Variants in CSMD2 observed in about 807,000 individuals in gnomAD.
The protein encoded by CSMD2 is CUB and sushi domain-containing protein 2.
CSMD2 carries 130 observed loss-of-function variants against 398.5 expected under a neutral mutation model. That is an observed-to-expected ratio of 0.33 (90% CI 0.28 to 0.38). CSMD2 has a LOEUF of 0.38. CSMD2 is among the 10% of genes least tolerant of loss of function. CSMD2 has a pLI of 1.00. For synonymous variants in CSMD2, 1,828 were observed against 1,908.5 expected (o/e 0.96, Z 1.10); for missense variants, 3,829 against 4,764.9 (o/e 0.80, Z 5.78).
chr1:33,990,422 G>A (rs912876769), intron 3 of CSMD2, among the ~76,000 whole-genome samples: 1 of 152,118 alleles, frequency 6.6e-6, no homozygotes, highest in Non-Finnish European at 1.5e-5. Flanking sequence ...TTATTTAATT[G>A]GAATTAATGA....
chr1:33,904,957 T>C (rs1642996122), intron 5 of CSMD2, among the ~76,000 whole-genome samples: 1 of 152,092 alleles, frequency 6.6e-6, no homozygotes, highest in East Asian at 1.9e-4. Flanking sequence ...ATAGGTTTTA[T>C]GTTATATATA....
chr1:33,537,651 C>T lies in CSMD2; in HGVS notation c.9632-42G>A, dbSNP rs774728329. On this transcript the variant is annotated intron_variant, in intron 60 of 70. Transcript: ENST00000373381. This position sits in a 1 kb window ranked among gnomAD's most constrained non-coding sequence, Gnocchi z 4.6. ...AGAAAGGCAGGTCTAAGTTGCTTTC[C>T]AGAACCCAATCTTCCAGTCCCACAC... is the stretch of plus-strand genomic sequence containing the variant. The T allele has an allele frequency of 1.9e-6, 3 of 1,565,324 alleles. No individual in the cohort carries two copies. Among genetic ancestry groups the T allele is most frequent in the Non-Finnish European group, 2.6e-6 (3 of 1,153,216 alleles).
At chr1:34,150,067 T>C (rs1396696153) in intron 1 of CSMD2, among the ~76,000 whole-genome samples, 3 of 149,774 alleles carry the variant, frequency 2.0e-5, no homozygotes, top group South Asian at 4.2e-4. Flanking sequence ...GAAATCTACA[T>C]TTTTCTTCTT....
At position 33,864,825 on chromosome 1, in the gene CSMD2, G is replaced by A. The variant is rs1225599734; in HGVS notation, c.921-17829C>T. ...TCCTGGTCTCATGTGTGGCATTAGA[G>A]TAGCTGTGACTGATGCTTTGTGGAG... On this transcript the variant is annotated intron_variant, in intron 5 of 70. Coordinates refer to ENST00000373381, the MANE Select transcript of CSMD2 (RefSeq NM_001281956.2). 3.1e-6 allele frequency: 4 copies of A among 1,302,546 alleles called. No individual in the cohort carries two copies. In the African/African-American group the frequency reaches 4.5e-5, roughly 15 times the overall value. The allele number at this position is 1,302,546 out of a possible 1,614,324, so 80.7% of individuals were successfully genotyped here. A position where few individuals can be genotyped will look rare whatever the true frequency, so the allele number is the denominator to read the frequency against.
At position 33,700,685 on chromosome 1, in the gene CSMD2, A is replaced by C. The variant is rs1469246893; in HGVS notation, c.3577-12T>G. On this transcript the variant is annotated splice_polypyrimidine_tract_variant and intron_variant, in intron 22 of 70. Coordinates refer to ENST00000373381, the MANE Select transcript of CSMD2 (RefSeq NM_001281956.2). ...TTGCCATCATAAACCTGGACACAGG[A>C]GAGACCCCCAACCCAATGTCGTCAG... 2 of 1,614,026 alleles carry C rather than the reference A, an allele frequency of 1.2e-6. No individual in the cohort carries two copies. The highest frequency in any genetic ancestry group is 2.2e-5 in the South Asian group (2 of 91,062).
At chr1:33,781,037 G>A (rs1004699147) in intron 12 of CSMD2, among the ~76,000 whole-genome samples, 3 of 152,334 alleles carry the variant, frequency 2.0e-5, no homozygotes, top group Admixed American at 2.0e-4. Flanking sequence ...TTTGAAGTCT[G>A]CTTCTAAAAC....
At chr1:33,618,015 A>AAGACACAGAGAGACAG (rs1553156503) in intron 37 of CSMD2, among the ~76,000 whole-genome samples, 2 of 147,958 alleles carry the variant, frequency 1.4e-5, no homozygotes, top group Non-Finnish European at 3.0e-5. Context: ...CCTGTGGGCT[A>AAGACACAGAGAGACAG]AGACAGAGAG....
In CSMD2 at chr1:33,633,526, C is replaced by G; in HGVS notation, c.5096G>C (p.Gly1699Ala). ...VTVPKDYVVF[G>A]QFAFFHTALN... ...GGCCGTGTGAAAGAAGGCGAACTGG[C>G]CAAACACCACTGTGGAGGAGACACA... Residue 1699 changes from glycine (G) to alanine (A), a missense_variant, in exon 32 of 71, where the codon GGC (glycine) becomes GCC (alanine). This residue lies in a region of CSMD2 where 2,001 missense variants were observed against 2,567.1 expected (regional missense o/e 0.78). Coordinates refer to ENST00000373381, the MANE Select transcript of CSMD2 (RefSeq NM_001281956.2). The surrounding 1 kb of genome is among the most constrained non-coding windows in gnomAD (Gnocchi z 5.0). The G allele has an allele frequency of 6.4e-7, 1 of 1,552,122 alleles. No homozygotes were observed. Among genetic ancestry groups the G allele is most frequent in the Non-Finnish European group, 8.7e-7 (1 of 1,147,048 alleles).
At chr1:33,749,190 C>A (rs561289049) in intron 13 of CSMD2, among the ~76,000 whole-genome samples, 1 of 151,402 alleles carries the variant, frequency 6.6e-6, no homozygotes, top group Non-Finnish European at 1.5e-5. Flanking sequence ...CTCCACCCCC[C>A]CAGGTTCACG....
intron 2 of CSMD2, among the ~76,000 whole-genome samples, chr1:34,081,397 T>G (rs1029124510): frequency 1.3e-5 from 2 of 151,680 alleles, no homozygotes. Context: ...TGGTCGTCCC[T>G]CTCCTTCCCC....
chr1:33,979,506 C>G (rs1032508769), intron 3 of CSMD2, among the ~76,000 whole-genome samples: 25 of 152,190 alleles, frequency 1.6e-4, no homozygotes, highest in Non-Finnish European at 3.2e-4. Flanking sequence ...CTTCCCAAGC[C>G]TCTTGTCCAG....
At position 33,820,487 on chromosome 1, in the gene CSMD2, C is replaced by G. The variant is rs957177705; in HGVS notation, c.1181G>C (p.Arg394Thr). 7 of 1,556,420 alleles carry G rather than the reference C, an allele frequency of 4.5e-6. No homozygotes were observed. The highest frequency in any genetic ancestry group is 1.4e-5 in the African/African-American group (1 of 71,858). The change falls in exon 8 of 71, where the codon AGA becomes ACA. Residue 394 changes from arginine to threonine, a missense_variant. Physicochemically the swap from Arg to Thr is moderately conservative, Grantham distance 71. Coordinates refer to ENST00000373381, the MANE Select transcript of CSMD2 (RefSeq NM_001281956.2). ...PDPGIPERGK[R>T]LGSDFRLGSS... ...ATCTTACCTGAAATCCGAGCCTAGTCTTTTGCCCCTTTCGGGTATGCCAGG... is the reference window on the plus strand; with the variant it reads ...ATCTTACCTGAAATCCGAGCCTAGTGTTTTGCCCCTTTCGGGTATGCCAGG...
Position 33,605,159 on chromosome 1 carries a change from C to T in CSMD2, c.6532+123G>A, listed in dbSNP as rs1640504107. 4.3e-6 allele frequency: 4 copies of T among 933,298 alleles called. No individual in the cohort carries two copies. In the Admixed American group the frequency reaches 9.8e-5, roughly 23 times the overall value. The allele number at this position is 933,298 out of a possible 1,614,324, so 57.8% of individuals were successfully genotyped here. A position where few individuals can be genotyped will look rare whatever the true frequency, so the allele number is the denominator to read the frequency against. The stretch of plus-strand genomic sequence containing the variant: ...CACCATGTGAAAACAGGATGGACCA[C>T]AGTTTGCCTGGACCTCCAGCCCTGG... On this transcript the variant is annotated intron_variant, in intron 42 of 70. Transcript: ENST00000373381.
In CSMD2 at chr1:33,633,929, C is replaced by A. The variant is rs772291309; in HGVS notation, c.5087-394G>T. Among the ~76,000 whole-genome samples, 5 of 152,188 alleles carry A rather than the reference C, an allele frequency of 3.3e-5. No homozygotes were observed. Among genetic ancestry groups the A allele is most frequent in the African/African-American group, 4.8e-5 (2 of 41,448 alleles). On this transcript the variant is annotated intron_variant, in intron 31 of 70. Transcript: ENST00000373381. This position sits in a 1 kb window ranked among gnomAD's most constrained non-coding sequence, Gnocchi z 5.0. ...GCGATGTCAGGACCCCACATTCATG[C>A]GTCCCAACGTCAGTTAGTCAGTGTC...
At chr1:33,660,258 C>T (rs1284979234) in intron 26 of CSMD2, among the ~76,000 whole-genome samples, 1 of 152,182 alleles carries the variant, frequency 6.6e-6, no homozygotes, top group Non-Finnish European at 1.5e-5. Context: ...ATTGTAAGAG[C>T]TGATGTAGTG....
intron 3 of CSMD2, among the ~76,000 whole-genome samples, chr1:33,995,557 G>T (rs756257419): frequency 6.6e-6 from 1 of 152,184 alleles, no homozygotes; most frequent in Non-Finnish European, 1.5e-5. Flanking sequence ...AAGACCCAGG[G>T]CTTGTGCAAA....
At position 33,847,067 on chromosome 1, in the gene CSMD2, T is replaced by C; in HGVS notation, c.921-71A>G. 7.1e-6 allele frequency: 7 copies of C among 985,654 alleles called. No homozygotes were observed. In the South Asian group the frequency reaches 1.1e-4, roughly 15 times the overall value. The allele number at this position is 985,654 out of a possible 1,614,324, so 61.1% of individuals were successfully genotyped here. A position where few individuals can be genotyped will look rare whatever the true frequency, so the allele number is the denominator to read the frequency against. On this transcript the variant is annotated intron_variant, in intron 5 of 70. Coordinates refer to ENST00000373381, the MANE Select transcript of CSMD2 (RefSeq NM_001281956.2). ...GTATAGGTGTATGAGCATTCAGGAG[T>C]TCCTCCACTTCCCTTGAGTGCCAAG...
intron 42 of CSMD2, among the ~76,000 whole-genome samples, chr1:33,604,186 C>T (rs1426847889): frequency 6.6e-6 from 1 of 152,184 alleles, no homozygotes. Flanking sequence ...CACAAAAAGA[C>T]AAACAAGGTG....
chr1:34,115,201 T>C (rs541082150), intron 1 of CSMD2, among the ~76,000 whole-genome samples: 9 of 151,350 alleles, frequency 5.9e-5, no homozygotes, highest in African/African-American at 1.9e-4. Flanking sequence ...AAATAACGGC[T>C]GAAAACTTCC....
Sources: allele counts gnomAD v4.1 joint callset (sites outside exome capture counted in the v4.1 genomes callset), GRCh38; gene constraint gnomAD v4.1.1; regional missense constraint gnomAD v4.1.1; non-coding constraint Gnocchi (gnomAD v3.1); transcripts MANE v1.5; gene names NCBI Gene and HGNC (gene_info 2026-07-23, HGNC 2026-07-21).